The following USP13 variants were observed in gnomAD, a reference collection of about 807,000 sequenced individuals.
The protein encoded by USP13 is ubiquitin carboxyl-terminal hydrolase 13.
Under a neutral mutation model 107.8 loss-of-function variants are expected in USP13, and 68 were observed. The observed-to-expected ratio is 0.63, with a 90% CI of 0.52 to 0.77. The LOEUF (loss-of-function observed/expected upper bound fraction) is 0.77. Ranked by LOEUF, USP13 falls within the 30% of genes least tolerant of loss-of-function variation. USP13 has a pLI of 0.00. For synonymous variants in USP13, 377 were observed against 389.5 expected, an observed-to-expected ratio of 0.97 and a Z score of 0.38; for missense variants, 945 against 1,093.3, an observed-to-expected ratio of 0.86 and a Z score of 1.91.
chr3:179,714,870 CTTTTTTTT>C (rs34976120), intron 6 of USP13, among the ~76,000 whole-genome samples: 10 of 137,486 alleles, frequency 7.3e-5, no homozygotes, highest in Non-Finnish European at 1.4e-4. Context: ...TTTCCTTTTT[CTTTTTTTT>C]TTTTTTGTTT....
At chr3:179,724,448 A>C (rs1227470101) in intron 8 of USP13, among the ~76,000 whole-genome samples, 5 of 141,484 alleles carry the variant, frequency 3.5e-5, no homozygotes, top group Non-Finnish European at 7.5e-5. Flanking sequence ...ACCAAGTGAG[A>C]CTCTGTCTCA....
In USP13 at chr3:179,742,941, C is replaced by T. The variant is rs1714253739; in HGVS notation, c.1534+591C>T. Among the ~76,000 whole-genome samples, 1 of 152,160 alleles carries T rather than the reference C, an allele frequency of 6.6e-6. No homozygotes were observed. The highest frequency in any genetic ancestry group is 2.4e-5 in the African/African-American group (1 of 41,438). On this transcript the variant is annotated intron_variant, in intron 12 of 20. Transcript: ENST00000263966. This position sits in a 1 kb window ranked among gnomAD's most constrained non-coding sequence, Gnocchi z 5.0. Reference sequence around the variant, plus strand: ...CTCCTTCCATCAGTCTAAGCTGGTTCTTCCTAGGCAGAATAGACAAATGGC... The same window carrying T: ...CTCCTTCCATCAGTCTAAGCTGGTTTTTCCTAGGCAGAATAGACAAATGGC...
chr3:179,749,621 A>G (rs1187082562), intron 13 of USP13, among the ~76,000 whole-genome samples: 2 of 152,182 alleles, frequency 1.3e-5, no homozygotes, highest in East Asian at 3.8e-4. Context: ...CCCTATAGAG[A>G]TTACAAAGAT....
chr3:179,682,665 A>AAT (rs1711708375), intron 2 of USP13, among the ~76,000 whole-genome samples: 1 of 152,118 alleles, frequency 6.6e-6, no homozygotes, highest in African/African-American at 2.4e-5. Flanking sequence ...AATTCATTTC[A>AAT]ATAGTTTGGT....
At chr3:179,697,732 G>C (rs1260969284) in intron 3 of USP13, among the ~76,000 whole-genome samples, 2 of 152,076 alleles carry the variant, frequency 1.3e-5, no homozygotes, top group South Asian at 2.1e-4. Context: ...GTTATACTTA[G>C]GGCTGTGGGG....
intron 1 of USP13, among the ~76,000 whole-genome samples, chr3:179,672,152 A>T (rs769567252): frequency 3.3e-5 from 5 of 152,186 alleles, no homozygotes; most frequent in Non-Finnish European, 5.9e-5. Context: ...ACTCTGAAAC[A>T]TGTTGCAATC....
At chr3:179,691,353 T>C (rs1712112461) in intron 3 of USP13, among the ~76,000 whole-genome samples, 1 of 152,244 alleles carries the variant, frequency 6.6e-6, no homozygotes, top group Non-Finnish European at 1.5e-5. Flanking sequence ...ACTCTGATCA[T>C]TCTTCAGTTT....
At chr3:179,739,300 T>C (rs1254659910) in intron 10 of USP13, among the ~76,000 whole-genome samples, 2 of 152,102 alleles carry the variant, frequency 1.3e-5, no homozygotes, top group African/African-American at 2.4e-5. Context: ...TGCCTGTTCT[T>C]CCCCCGCAGC....
chr3:179,680,561 C>G (rs1489120239), intron 1 of USP13, among the ~76,000 whole-genome samples: 1 of 151,702 alleles, frequency 6.6e-6, no homozygotes, highest in East Asian at 1.9e-4. Flanking sequence ...TTTTTTTTTC[C>G]CCCAAGACAG....
chr3:179,744,343 GTT>G (rs3216643), intron 12 of USP13, among the ~76,000 whole-genome samples: 1 of 121,164 alleles, frequency 8.3e-6, no homozygotes, highest in Non-Finnish European at 1.9e-5. Flanking sequence ...TGGTGGTTCT[GTT>G]TTTTTTTTTG....
At chr3:179,780,351 A>G (rs1576998086) in intron 19 of USP13, among the ~76,000 whole-genome samples, 1 of 152,226 alleles carries the variant, frequency 6.6e-6, no homozygotes, top group East Asian at 1.9e-4. Flanking sequence ...CGACTAAAAA[A>G]TGATTAGAAC....
At chr3:179,666,999 G>T (rs959645912) in intron 1 of USP13, among the ~76,000 whole-genome samples, 2 of 152,140 alleles carry the variant, frequency 1.3e-5, no homozygotes, top group African/African-American at 4.8e-5. Context: ...GCCTTACCTT[G>T]CAGGGTTGTT....
At chr3:179,781,881 C>A in intron 20 of USP13, 58 bp downstream of exon 20, 2 of 1,386,546 alleles carry the variant, frequency 1.4e-6, no homozygotes, top group Non-Finnish European at 2.1e-6. Flanking sequence ...CTACTATATG[C>A]CAGGCACTCT....
At position 179,690,052 on chromosome 3, in the gene USP13, G is replaced by A. The variant is rs577735306; in HGVS notation, c.295-189G>A. On this transcript the variant is annotated intron_variant, in intron 2 of 20. Coordinates refer to ENST00000263966, the MANE Select transcript of USP13 (RefSeq NM_003940.3). Reference sequence around the variant, plus strand: ...ATAATTTAATAAAAATAAGCAGGTGGATAGCATTGCCCTTCACCTACCTGC... The same window carrying A: ...ATAATTTAATAAAAATAAGCAGGTGAATAGCATTGCCCTTCACCTACCTGC... 2.0e-5 allele frequency among the ~76,000 whole-genome samples: 3 copies of A among 152,268 alleles called. No homozygotes were observed. The South Asian group carries it at 6.2e-4, about 32-fold the overall frequency.
Position 179,730,614 on chromosome 3 carries a change from A to G in USP13, c.1161-2A>G, listed in dbSNP as rs1191786323. On this transcript the variant is annotated splice_acceptor_variant, in intron 9 of 20. Coordinates refer to ENST00000263966, the MANE Select transcript of USP13 (RefSeq NM_003940.3). LOFTEE classifies it high-confidence loss of function. ...TTGTTTCTGTTTCTCTGTCCTGGCC[A>G]GGACTAAGTTAGGACATGGCCTTCT... is the stretch of plus-strand genomic sequence containing the variant. 28 of 1,612,468 alleles carry G rather than the reference A, an allele frequency of 1.7e-5. No homozygotes were observed. Among genetic ancestry groups the G allele is most frequent in the Non-Finnish European group, 2.4e-5 (28 of 1,178,826 alleles).
chr3:179,684,380 G>A (rs1435801089), intron 2 of USP13, among the ~76,000 whole-genome samples: 3 of 151,382 alleles, frequency 2.0e-5, no homozygotes, highest in South Asian at 2.1e-4. Context: ...GCGCCACCAC[G>A]GCTCATTGTA....
intron 3 of USP13, among the ~76,000 whole-genome samples, chr3:179,694,545 G>GTT (rs1475953113): frequency 6.6e-6 from 1 of 151,988 alleles, no homozygotes; most frequent in Non-Finnish European, 1.5e-5. Context: ...GCTCATGCCT[G>GTT]TAATCTCAGC....
chr3:179,779,086 C>G lies in USP13; in HGVS notation c.2414-2653C>G, dbSNP rs184684021. Among the ~76,000 whole-genome samples, 18 of 152,058 alleles carry G rather than the reference C, an allele frequency of 1.2e-4. No individual in the cohort carries two copies. The East Asian group carries it at 3.5e-3, about 29-fold the overall frequency. Reference sequence around the variant, plus strand: ...CATGTTTGAGGAGGAGCCCGGAGGCCAAGGTAGCTGGACCAGAGTAAGGGG... The same window carrying G: ...CATGTTTGAGGAGGAGCCCGGAGGCGAAGGTAGCTGGACCAGAGTAAGGGG... On this transcript the variant is annotated intron_variant, in intron 19 of 20. Transcript: ENST00000263966.
Position 179,701,117 on chromosome 3 carries a change from G to C in USP13, c.465G>C (p.Glu155Asp). ...AAATAGCACTACCAAATATTGAGGA[G>C]TTACCAGCCCTGGTCAGTGAGTGTG... ...HYEIALPNIE[E>D]LPALVTIACD... is the part of the protein sequence containing the mutation. The change falls in exon 4 of 21, where the codon GAG becomes GAC. Residue 155 changes from glutamate (E) to aspartate (D), a missense_variant. By Grantham distance (45) the Glu-to-Asp change is conservative. Coordinates refer to ENST00000263966, the MANE Select transcript of USP13 (RefSeq NM_003940.3). 1 of 1,594,510 alleles carries C rather than the reference G, an allele frequency of 6.3e-7. No individual in the cohort carries two copies. Among genetic ancestry groups the C allele is most frequent in the Non-Finnish European group, 8.6e-7 (1 of 1,168,884 alleles).
Sources: allele counts gnomAD v4.1 joint callset (sites outside exome capture counted in the v4.1 genomes callset), GRCh38; gene constraint gnomAD v4.1.1; non-coding constraint Gnocchi (gnomAD v3.1); transcripts MANE v1.5; gene names NCBI Gene and HGNC (gene_info 2026-07-23, HGNC 2026-07-21).